The following MAFB variants were observed in gnomAD, a reference collection of about 807,000 sequenced individuals.
The protein encoded by MAFB is transcription factor MafB.
A neutral mutation model predicts 17.7 loss-of-function variants in MAFB; 3 were observed. That is an observed-to-expected ratio of 0.17 (90% CI 0.08 to 0.44). MAFB has a LOEUF of 0.44. Ranked by LOEUF, MAFB falls within the 20% of genes least tolerant of loss-of-function variation. The pLI is 0.99. For synonymous variants in MAFB, 214 were observed against 211.5 expected (o/e 1.01, Z -0.10); for missense variants, 355 against 461.3 (o/e 0.77, Z 2.11).
At position 40,688,623 on chromosome 20, in the gene MAFB, G is replaced by T. The variant is rs939206943; in HGVS notation, c.228C>A (p.Thr76=). 1.2e-6 allele frequency: 2 copies of T among 1,613,990 alleles called. No individual in the cohort carries two copies. Among genetic ancestry groups the T allele is most frequent in the African/African-American group, 1.3e-5 (1 of 74,942 alleles). The part of the protein sequence containing the change: ...SVPSSPSFSP[T]EQKTHLEDLY... The stretch of plus-strand genomic sequence containing the variant: ...GATCCTCGAGGTGTGTCTTCTGTTC[G>T]GTCGGGCTGAAGCTGGGCGACGAGG... Residue 76 remains threonine, a synonymous_variant, in exon 1 of 1, where the codon ACC becomes ACA. Transcript: ENST00000373313.
Position 40,686,359 on chromosome 20 carries a change from G to C in MAFB, c.*1520C>G, listed in dbSNP as rs148352161. 2,112 of 262,282 alleles carry C rather than the reference G, an allele frequency of 8.1e-3. 41 individuals are homozygous for C. Among genetic ancestry groups the C allele is most frequent in the African/African-American group, 0.041 (1,879 of 46,366 alleles). 16.2% of individuals were successfully genotyped at this position (262,282 alleles called of 1,614,324 possible). On this transcript the variant is annotated 3_prime_UTR_variant, in exon 1 of 1. Coordinates refer to ENST00000373313, the MANE Select transcript of MAFB (RefSeq NM_005461.5). ...CTACTATACAACTGAAGAATTGAAG[G>C]GGGGGGACACCACCAAGAACTCTTC...
At position 40,687,891 on chromosome 20, in the gene MAFB, C is replaced by G. The variant is rs1181209627; in HGVS notation, c.960G>C (p.Glu320Asp). Residue 320 changes from glutamate to aspartate, a missense_variant, in exon 1 of 1, where the codon GAG (glutamate) becomes GAC (aspartate). Coordinates refer to ENST00000373313, the MANE Select transcript of MAFB (RefSeq NM_005461.5). ...GACCGGCCACGACTCACAGAAAGAA[C>G]TCGGGAGAGGAGGGGCTGTCGCTGG... ...GSTSDSPSSP[E>D]FFL is the part of the protein sequence containing the mutation. 1.2e-6 allele frequency: 2 copies of G among 1,610,750 alleles called. No homozygotes were observed.
chr20:40,686,144 T>C lies in MAFB; in HGVS notation c.*1735A>G. Reference sequence around the variant, plus strand: ...GCACCATGCGGTTCATACAATCTTGTTATTACTGTTAATTTATCAACTAAT... The same window carrying C: ...GCACCATGCGGTTCATACAATCTTGCTATTACTGTTAATTTATCAACTAAT... On this transcript the variant is annotated 3_prime_UTR_variant, in exon 1 of 1. Transcript: ENST00000373313. The C allele has an allele frequency of 9.8e-6, 2 of 203,578 alleles. No homozygotes were observed. Among genetic ancestry groups the C allele is most frequent in the East Asian group, 7.6e-5 (1 of 13,200 alleles). The allele number at this position is 203,578 out of a possible 1,614,324, so 12.6% of individuals were successfully genotyped here.
Position 40,689,190 on chromosome 20 carries a change from T to G in MAFB, c.-340A>C. 1 of 329,748 alleles carries G rather than the reference T, an allele frequency of 3.0e-6. No individual in the cohort carries two copies. The highest frequency in any genetic ancestry group is 5.6e-6 in the Non-Finnish European group (1 of 178,754). 20.4% of individuals were successfully genotyped at this position (329,748 alleles called of 1,614,324 possible). A position where few individuals can be genotyped will look rare whatever the true frequency, so the allele number is the denominator to read the frequency against. On this transcript the variant is annotated 5_prime_UTR_variant, in exon 1 of 1. Coordinates refer to ENST00000373313, the MANE Select transcript of MAFB (RefSeq NM_005461.5). ...TGCTCGCTCTCTAGCTCTCTTGCTC[T>G]TACGCTCTCTCGCTCGCAGCCGCTC...
rs201369817 is a variant in MAFB, at chr20:40,689,052, CCA to C, written c.-204_-203del. ...GAGTCCCGAGGCTGCCTGCACCGCC[CCA>C]GAGCTCTGGGCTGTGCCCGCGCAGG... On this transcript the variant is annotated 5_prime_UTR_variant, in exon 1 of 1. Transcript: ENST00000373313. The C allele has an allele frequency of 8.5e-3, 5,735 of 673,384 alleles. 41 individuals carry two copies. The highest frequency in any genetic ancestry group is 0.011 in the Admixed American group (264 of 23,582). The allele number at this position is 673,384 out of a possible 1,614,324, so 41.7% of individuals were successfully genotyped here.
chr20:40,688,268 T>A lies in MAFB; in HGVS notation c.583A>T (p.Thr195Ser). ...CCGCCCGCCGCCGTCGCCGAGGCCG[T>A]CGCGTGCGGCCCGGGCCCGGGGTGG... Reference protein sequence around the residue: ...TSHPGPGPHATASATAAGGNG... With the variant: ...TSHPGPGPHASASATAAGGNG... Residue 195 changes from threonine (T) to serine (S), a missense_variant, in exon 1 of 1, where the codon ACG becomes TCG. Thr to Ser is a moderately conservative substitution (Grantham distance 58). Around this residue, in one of 3 missense-constraint regions of MAFB, gnomAD observed 285 missense variants for 350.0 expected, o/e 0.81. Transcript: ENST00000373313. 2 of 1,547,544 alleles carry A rather than the reference T, an allele frequency of 1.3e-6. No individual in the cohort carries two copies. Among genetic ancestry groups the A allele is most frequent in the Non-Finnish European group, 8.7e-7 (1 of 1,153,140 alleles).
In MAFB at chr20:40,686,286, G is replaced by GA. The variant is rs3215567; in HGVS notation, c.*1592dup. ...ACTTAAATCCTTTTACTGACCTGCA[G>GA]AAAAAAAAAAGTAATAATAAAGAAA... On this transcript the variant is annotated 3_prime_UTR_variant, in exon 1 of 1. Coordinates refer to ENST00000373313, the MANE Select transcript of MAFB (RefSeq NM_005461.5). 1,429 of 204,032 alleles carry GA rather than the reference G, an allele frequency of 7.0e-3. No individual in the cohort carries two copies. The highest frequency in any genetic ancestry group is 0.017 in the Middle Eastern group (10 of 602). The allele number at this position is 204,032 out of a possible 1,614,324, so 12.6% of individuals were successfully genotyped here.
rs201243960 is a variant in MAFB at position 40,687,946 on chromosome 20, G to A, written c.905C>T (p.Ala302Val). ...DAYKVKCEKLANSGFREAGST... is the reference protein window; with the variant it reads ...DAYKVKCEKLVNSGFREAGST... Reference sequence around the variant, plus strand: ...GCCCGCCTCCCTGAAGCCGGAGTTGGCGAGTTTCTCGCACTTGACCTTGTA... The same window carrying A: ...GCCCGCCTCCCTGAAGCCGGAGTTGACGAGTTTCTCGCACTTGACCTTGTA... Residue 302 changes from alanine (A) to valine (V), a missense_variant, in exon 1 of 1, where the codon GCC becomes GTC. Ala to Val is a moderately conservative substitution (Grantham distance 64). Transcript: ENST00000373313. 3.0e-5 allele frequency: 48 copies of A among 1,613,810 alleles called. No individual in the cohort carries two copies. The African/African-American group carries it at 5.6e-4, about 19-fold the overall frequency.
Position 40,688,232 on chromosome 20 carries a change from CGCTGCCG to C in MAFB, c.612_618del (p.Asn204LysfsTer19), listed in dbSNP as rs1986879444. The C allele has an allele frequency of 1.3e-6, 2 of 1,569,688 alleles. No homozygotes were observed. Among genetic ancestry groups the C allele is most frequent in the African/African-American group, 1.3e-5 (1 of 74,334 alleles). On this transcript the variant is annotated frameshift_variant, in exon 1 of 1. Coordinates refer to ENST00000373313, the MANE Select transcript of MAFB (RefSeq NM_005461.5). LOFTEE classifies it high-confidence loss of function. Reference sequence around the variant, plus strand: ...TGGTCGTCGGAGAAGCGGTCCTCCACGCTGCCGTTGCCGCCCGCCGCCGTCGCCGAGG... The same window carrying C: ...TGGTCGTCGGAGAAGCGGTCCTCCACTTGCCGCCCGCCGCCGTCGCCGAGG...
rs1244816797 is a variant in MAFB at position 40,686,777 on chromosome 20, C to T, written c.*1102G>A. Reference sequence around the variant, plus strand: ...TTGGCAGCTTCCCTGCCCTGCCCTGCCCTTGTACTGGGACCTCTCGGTTCT... The same window carrying T: ...TTGGCAGCTTCCCTGCCCTGCCCTGTCCTTGTACTGGGACCTCTCGGTTCT... On this transcript the variant is annotated 3_prime_UTR_variant, in exon 1 of 1. Transcript: ENST00000373313. The T allele has an allele frequency of 2.5e-6, 1 of 398,514 alleles. No homozygotes were observed. Among genetic ancestry groups the T allele is most frequent in the East Asian group, 3.6e-5 (1 of 28,086 alleles). The allele number at this position is 398,514 out of a possible 1,614,324, so 24.7% of individuals were successfully genotyped here.
chr20:40,688,694 C>T lies in MAFB; in HGVS notation c.157G>A (p.Gly53Ser). ...CTGAGCGGTGTGGAGGACACCGAGC[C>T]GGCTGGCTGCAGGCGTGTGCAGGGC... is the stretch of plus-strand genomic sequence containing the variant. ...GRPCTRLQPA[G>S]SVSSTPLSTP... Residue 53 changes from glycine to serine, a missense_variant, in exon 1 of 1, where the codon GGC becomes AGC. By Grantham distance (56) the Gly-to-Ser change is moderately conservative (BLOSUM62 0). Transcript: ENST00000373313. The T allele has an allele frequency of 1.2e-6, 2 of 1,613,900 alleles. No individual in the cohort carries two copies. Among genetic ancestry groups the T allele is most frequent in the Non-Finnish European group, 1.7e-6 (2 of 1,179,904 alleles).
chr20:40,689,115 C>A lies in MAFB; in HGVS notation c.-265G>T. On this transcript the variant is annotated 5_prime_UTR_variant, in exon 1 of 1. Coordinates refer to ENST00000373313, the MANE Select transcript of MAFB (RefSeq NM_005461.5). ...GGTAGAGTCGGGCGGGGTGGAGAGG[C>A]AAGCGGAGCGCGCGGTGGGGCTGAG... is the stretch of plus-strand genomic sequence containing the variant. 1 of 441,916 alleles carries A rather than the reference C, an allele frequency of 2.3e-6. No individual in the cohort carries two copies. The highest frequency in any genetic ancestry group is 3.9e-6 in the Non-Finnish European group (1 of 257,036). 27.4% of individuals were successfully genotyped at this position (441,916 alleles called of 1,614,324 possible). A position where few individuals can be genotyped will look rare whatever the true frequency, so the allele number is the denominator to read the frequency against.
rs993749893 is a variant in MAFB at position 40,686,856 on chromosome 20, C to T, written c.*1023G>A. 1.3e-5 allele frequency: 5 copies of T among 398,412 alleles called. No homozygotes were observed. Among genetic ancestry groups the T allele is most frequent in the Non-Finnish European group, 2.2e-5 (5 of 226,056 alleles). The allele number at this position is 398,412 out of a possible 1,614,324, so 24.7% of individuals were successfully genotyped here. The stretch of plus-strand genomic sequence containing the variant: ...TAAAGCGAGAGAGGAAAAAGAGGAC[C>T]GAATGGGGATAAGGGAAGGAAAGAA... On this transcript the variant is annotated 3_prime_UTR_variant, in exon 1 of 1. Coordinates refer to ENST00000373313, the MANE Select transcript of MAFB (RefSeq NM_005461.5).
chr20:40,688,536 C>T lies in MAFB; in HGVS notation c.315G>A (p.Glu105=). Residue 105 remains glutamate (E), a synonymous_variant, in exon 1 of 1, where the codon GAG becomes GAA. Transcript: ENST00000373313. ...MNPEALNLTP[E]DAVEALIGSH... ...AGCCGATGAGCGCTTCCACCGCGTCCTCGGGCGTCAGGTTGAGCGCCTCGG... is the reference window on the plus strand; with the variant it reads ...AGCCGATGAGCGCTTCCACCGCGTCTTCGGGCGTCAGGTTGAGCGCCTCGG... 6.2e-7 allele frequency: 1 copy of T among 1,613,988 alleles called. No homozygotes were observed.
Position 40,688,073 on chromosome 20 carries a change from C to A in MAFB, c.778G>T (p.Val260Phe), listed in dbSNP as rs773855888. 1 of 1,614,120 alleles carries A rather than the reference C, an allele frequency of 6.2e-7. No homozygotes were observed. The highest frequency in any genetic ancestry group is 1.7e-5 in the Admixed American group (1 of 60,036). Reference sequence around the variant, plus strand: ...TTCTCCAGGTGGTGCTTCTGCTGGACGCGTTTATACCTGCAAGACTGGGCG... The same window carrying A: ...TTCTCCAGGTGGTGCTTCTGCTGGAAGCGTTTATACCTGCAAGACTGGGCG... ...GYAQSCRYKR[V>F]QQKHHLENEK... Residue 260 changes from valine (V) to phenylalanine (F), a missense_variant, in exon 1 of 1, where the codon GTC (valine) becomes TTC (phenylalanine). By Grantham distance (50) the Val-to-Phe change is conservative (BLOSUM62 -1). This residue lies in a region of MAFB where 7 missense variants were observed against 41.9 expected (regional missense o/e 0.17). Transcript: ENST00000373313.
rs1032221236 is a variant in MAFB, at chr20:40,687,720, C to T, written c.*159G>A. 2.6e-5 allele frequency: 24 copies of T among 926,680 alleles called. No individual in the cohort carries two copies. The highest frequency in any genetic ancestry group is 7.0e-5 in the South Asian group (4 of 57,370). 57.4% of individuals were successfully genotyped at this position (926,680 alleles called of 1,614,324 possible). ...TCCCCTGCCCGCCCGCGCACCCGCC[C>T]GTCGCCCGCGGCCCGCGCGCCCTTC... On this transcript the variant is annotated 3_prime_UTR_variant, in exon 1 of 1. Coordinates refer to ENST00000373313, the MANE Select transcript of MAFB (RefSeq NM_005461.5).
At position 40,688,968 on chromosome 20, in the gene MAFB, G is replaced by A; in HGVS notation, c.-118C>T. The A allele has an allele frequency of 7.4e-7, 1 of 1,354,932 alleles. No homozygotes were observed. Among genetic ancestry groups the A allele is most frequent in the African/African-American group, 1.5e-5 (1 of 65,222 alleles). The allele number at this position is 1,354,932 out of a possible 1,614,324, so 83.9% of individuals were successfully genotyped here. A position where few individuals can be genotyped will look rare whatever the true frequency, so the allele number is the denominator to read the frequency against. On this transcript the variant is annotated 5_prime_UTR_variant, in exon 1 of 1. Transcript: ENST00000373313. The stretch of plus-strand genomic sequence containing the variant: ...AGAGCTGGGGAGGCGGGGAGCGAGG[G>A]CGCAGCGGGCCGGGGCCGCCGGCCA...
Position 40,686,709 on chromosome 20 carries a change from A to C in MAFB, c.*1170T>G. 2.5e-6 allele frequency: 1 copy of C among 398,604 alleles called. No individual in the cohort carries two copies. The allele number at this position is 398,604 out of a possible 1,614,324, so 24.7% of individuals were successfully genotyped here. A position where few individuals can be genotyped will look rare whatever the true frequency, so the allele number is the denominator to read the frequency against. ...TTATTAAGGGTATCAATTTGACCAT[A>C]AGACAAGGCTGTAGTCCAGAACACT... On this transcript the variant is annotated 3_prime_UTR_variant, in exon 1 of 1. Transcript: ENST00000373313.
chr20:40,688,836 C>G lies in MAFB; in HGVS notation c.15G>C (p.Leu5=). 6.2e-7 allele frequency: 1 copy of G among 1,611,056 alleles called. No homozygotes were observed. The highest frequency in any genetic ancestry group is 8.5e-7 in the Non-Finnish European group (1 of 1,178,942). Residue 5 remains leucine (L), a synonymous_variant, in exon 1 of 1, where the codon CTG becomes CTC. Coordinates refer to ENST00000373313, the MANE Select transcript of MAFB (RefSeq NM_005461.5). ...TGGTGGGCAGCTCTGGCCCCATGCT[C>G]AGCTCCGCGGCCATCGCTGAAGCGA... MAAE[L]SMGPELPTSP... is the part of the protein sequence containing the mutation.
Sources: gnomAD v4.1 joint callset for allele counts on GRCh38, gnomAD v4.1.1 for gene constraint, gnomAD v4.1.1 regional missense constraint, MANE v1.5 for transcripts, NCBI Gene and HGNC (gene_info 2026-07-23, HGNC 2026-07-21) for gene names.